The following PTPN3 variants were observed in gnomAD, a reference collection of about 807,000 sequenced individuals.
PTPN3 encodes tyrosine-protein phosphatase non-receptor type 3.
A neutral mutation model predicts 132.7 loss-of-function variants in PTPN3; 96 were observed. The ratio of observed to expected loss-of-function variants is 0.72; its 90% CI spans 0.61 to 0.86. The LOEUF (loss-of-function observed/expected upper bound fraction) is 0.86. Among genes scored for constraint, PTPN3 ranks in the 40% least tolerant of loss-of-function variants. The pLI is 0.00. For missense variants in PTPN3, 1,125 were observed against 1,159.6 expected, an observed-to-expected ratio of 0.97 and a Z score of 0.43; for synonymous variants, 398 against 429.0, an observed-to-expected ratio of 0.93 and a Z score of 0.89.
intron 13 of PTPN3, among the ~76,000 whole-genome samples, chr9:109,421,222 G>A (rs1463151086): frequency 1.3e-5 from 2 of 151,304 alleles, no homozygotes; most frequent in South Asian, 2.1e-4. Flanking sequence ...TCTGGGCCTC[G>A]GCTGTACTTA....
intron 24 of PTPN3, 73 bp from the exon 25 acceptor site, chr9:109,381,860 C>T: frequency 1.3e-6 from 2 of 1,564,562 alleles, no homozygotes; most frequent in South Asian, 1.1e-5. Context: ...GAGCAGTTCC[C>T]CGCTGACTCC....
the PTPN3 span, among the ~76,000 whole-genome samples, chr9:109,516,827 G>A: frequency 6.6e-6 from 1 of 152,240 alleles, no homozygotes; most frequent in African/African-American, 2.4e-5. Context: ...GGATGGGAGA[G>A]GTAGACCTGG....
the PTPN3 span, among the ~76,000 whole-genome samples, chr9:109,508,154 T>TTC: frequency 1.4e-5 from 2 of 141,204 alleles, no homozygotes; most frequent in African/African-American, 5.4e-5. Flanking sequence ...TTTGATCTGT[T>TTC]TCTCTCTCTC....
intron 22 of PTPN3, among the ~76,000 whole-genome samples, 192 bp downstream of exon 22, chr9:109,389,041 C>T (rs1839831175): frequency 6.6e-6 from 1 of 152,100 alleles, no homozygotes. Flanking sequence ...TGGATCCAAG[C>T]TGGGACTGGG....
At chr9:109,433,906 A>C (rs1843837494) in intron 9 of PTPN3, among the ~76,000 whole-genome samples, 1 of 115,190 alleles carries the variant, frequency 8.7e-6, no homozygotes, top group African/African-American at 3.6e-5. Context: ...CAGCAGAGGG[A>C]GACTCTGTTT....
chr9:109,483,681 C>T (rs969855288), intron 1 of PTPN3, among the ~76,000 whole-genome samples: 14 of 152,136 alleles, frequency 9.2e-5, no homozygotes, highest in Admixed American at 3.3e-4. Flanking sequence ...AAGCTCTCAC[C>T]GGGCTCTTAC....
At chr9:109,450,526 T>G (rs1845179406) in intron 5 of PTPN3, 1 of 985,116 alleles carries the variant, frequency 1.0e-6, no homozygotes, top group Non-Finnish European at 1.2e-6. Flanking sequence ...TGTCATATAT[T>G]GAGCAAAGTT....
In PTPN3 at chr9:109,445,300, G is replaced by A. The variant is rs987645380; in HGVS notation, c.414-8C>T. On this transcript the variant is annotated splice_region_variant and splice_polypyrimidine_tract_variant and intron_variant, in intron 6 of 25. Coordinates refer to ENST00000374541, the MANE Select transcript of PTPN3 (RefSeq NM_002829.4). ...TTAAGAGGGCAGGTTAACCTGTCAG[G>A]AGAAAAACATATTAGCAAAGTCACA... 6.2e-7 allele frequency: 1 copy of A among 1,611,792 alleles called. No individual in the cohort carries two copies. The highest frequency in any genetic ancestry group is 1.7e-5 in the Admixed American group (1 of 60,014).
chr9:109,410,547 C>A (rs973259317), intron 14 of PTPN3, 132 bp from the exon 15 acceptor site: 5 of 1,034,938 alleles, frequency 4.8e-6, no homozygotes, highest in Admixed American at 5.0e-5. Context: ...AGGTTGTCAG[C>A]GGGATTTGAG....
At chr9:109,475,163 G>C (rs1164022490) in intron 1 of PTPN3, among the ~76,000 whole-genome samples, 1 of 152,104 alleles carries the variant, frequency 6.6e-6, no homozygotes, top group Non-Finnish European at 1.5e-5. Flanking sequence ...CAGAGAAGCT[G>C]GATGAGACCC....
intron 1 of PTPN3, among the ~76,000 whole-genome samples, chr9:109,486,855 T>A (rs777243100): frequency 6.6e-6 from 1 of 152,072 alleles, no homozygotes; most frequent in Non-Finnish European, 1.5e-5. Flanking sequence ...CGAGATCTGA[T>A]GGTTTTATAA....
At chr9:109,387,333 C>A (rs1170039910) in intron 22 of PTPN3, among the ~76,000 whole-genome samples, 2 of 152,218 alleles carry the variant, frequency 1.3e-5, no homozygotes, top group Non-Finnish European at 2.9e-5. Flanking sequence ...CCTAAGTGTG[C>A]ATTTCACCAA....
chr9:109,410,131 TGATAA>T lies in PTPN3; in HGVS notation c.1501-60_1501-56del. 4 of 1,613,702 alleles carry T rather than the reference TGATAA, an allele frequency of 2.5e-6. No individual in the cohort carries two copies. In the South Asian group the frequency reaches 3.3e-5, roughly 13 times the overall value. ...CATCACATCTCTCTCCAGCAGTTGG[TGATAA>T]GATATTTTCATTTAGTTAGAGCTAC... On this transcript the variant is annotated intron_variant, in intron 15 of 25. Coordinates refer to ENST00000374541, the MANE Select transcript of PTPN3 (RefSeq NM_002829.4).
the PTPN3 span, among the ~76,000 whole-genome samples, chr9:109,510,923 TC>T: frequency 6.6e-6 from 1 of 152,148 alleles, no homozygotes; most frequent in Non-Finnish European, 1.5e-5. Flanking sequence ...ATTTTAATTT[TC>T]GTTTTTGTAT....
intron 17 of PTPN3, 103 bp from the exon 18 acceptor site, chr9:109,406,721 G>C (rs940518841): frequency 2.0e-6 from 3 of 1,463,868 alleles, no homozygotes; most frequent in Admixed American, 1.8e-5. Context: ...CCATGATCAA[G>C]TTTGCCTTCT....
rs369222989 is a variant in PTPN3 at position 109,402,670 on chromosome 9, A to G, written c.1953+1778T>C. 6.6e-4 allele frequency among the ~76,000 whole-genome samples: 101 copies of G among 152,342 alleles called. No individual in the cohort carries two copies. In the South Asian group the frequency reaches 6.8e-3, roughly 10 times the overall value. ...TTCCCTTTGTAGAATACTCAGTAAT[A>G]TATCTATTAGTTCTATTCAAGTAAT... On this transcript the variant is annotated intron_variant, in intron 19 of 25. Coordinates refer to ENST00000374541, the MANE Select transcript of PTPN3 (RefSeq NM_002829.4).
At chr9:109,481,848 T>C (rs1028419895) in intron 1 of PTPN3, among the ~76,000 whole-genome samples, 1 of 152,252 alleles carries the variant, frequency 6.6e-6, no homozygotes, top group African/African-American at 2.4e-5. Context: ...GCCTGGACCC[T>C]GTAGCCACAG....
chr9:109,510,558 TAAAAAAA>T, the PTPN3 span, among the ~76,000 whole-genome samples: 27 of 74,092 alleles, frequency 3.6e-4, 1 homozygote, highest in Admixed American at 8.3e-4. Context: ...AACTTTGTCT[TAAAAAAA>T]AAAAAAAAAA....
the PTPN3 span, among the ~76,000 whole-genome samples, chr9:109,515,172 G>A: frequency 6.6e-6 from 1 of 152,138 alleles, no homozygotes; most frequent in Admixed American, 6.5e-5. Flanking sequence ...ACAGGCACAT[G>A]CCACTATGCC....
Sources: allele counts gnomAD v4.1 joint callset (sites outside exome capture counted in the v4.1 genomes callset), GRCh38; gene constraint gnomAD v4.1.1; transcripts MANE v1.5; gene names NCBI Gene and HGNC (gene_info 2026-07-23, HGNC 2026-07-21).